L3MBTL4: variants seen among roughly 807,000 people sequenced by gnomAD.
L3MBTL4 encodes lethal(3)malignant brain tumor-like protein 4.
L3MBTL4 carries 70 observed loss-of-function variants against 84.5 expected under a neutral mutation model. The ratio of observed to expected loss-of-function variants is 0.83; its 90% CI spans 0.68 to 1.01. The LOEUF (loss-of-function observed/expected upper bound fraction) is 1.01. Ranked by LOEUF, L3MBTL4 falls within the 50% of genes least tolerant of loss-of-function variation. The pLI is 0.00. For missense variants in L3MBTL4, 715 were observed against 754.8 expected, an observed-to-expected ratio of 0.95 and a Z score of 0.62; for synonymous variants, 274 against 259.8, an observed-to-expected ratio of 1.05 and a Z score of -0.52.
intron 16 of L3MBTL4, among the ~76,000 whole-genome samples, chr18:6,049,269 A>C (rs949727920): frequency 2.0e-5 from 3 of 147,972 alleles, no homozygotes; most frequent in African/African-American, 7.8e-5. Flanking sequence ...TAAACTAAGA[A>C]GTTTCTGCAC....
At chr18:6,035,176 G>T (rs1320107824) in intron 16 of L3MBTL4, among the ~76,000 whole-genome samples, 67 of 150,058 alleles carry the variant, frequency 4.5e-4, no homozygotes, top group Non-Finnish European at 7.5e-4. Flanking sequence ...GTCAATTTTG[G>T]CTTTTGTTGC....
intron 14 of L3MBTL4, among the ~76,000 whole-genome samples, chr18:6,108,386 T>TC (rs1353439741): frequency 6.6e-6 from 1 of 152,160 alleles, no homozygotes; most frequent in Non-Finnish European, 1.5e-5. Context: ...AAAAAAACAG[T>TC]TACAATAGAA....
intron 1 of L3MBTL4, among the ~76,000 whole-genome samples, chr18:6,385,920 A>C (rs1003289029): frequency 6.6e-6 from 1 of 152,220 alleles, no homozygotes; most frequent in Non-Finnish European, 1.5e-5. Context: ...CCAATGCCAT[A>C]GATAAAGGTA....
chr18:5,998,240 C>T (rs892486800), intron 16 of L3MBTL4, among the ~76,000 whole-genome samples: 1 of 152,198 alleles, frequency 6.6e-6, no homozygotes, highest in Non-Finnish European at 1.5e-5. Flanking sequence ...AAAAGAGGCA[C>T]TTCATCTGAA....
At chr18:6,163,586 C>T (rs963959839) in intron 13 of L3MBTL4, among the ~76,000 whole-genome samples, 8 of 152,018 alleles carry the variant, frequency 5.3e-5, no homozygotes, top group African/African-American at 1.5e-4. Context: ...GTTGTCTTTC[C>T]CCCAAATTCT....
At chr18:6,398,783 A>G (rs978657288) in intron 1 of L3MBTL4, among the ~76,000 whole-genome samples, 19 of 151,984 alleles carry the variant, frequency 1.3e-4, no homozygotes, top group African/African-American at 4.1e-4. Flanking sequence ...AGAAGACTCA[A>G]ACTCCCAAAG....
chr18:6,404,481 C>T (rs2055642320), intron 1 of L3MBTL4, among the ~76,000 whole-genome samples: 1 of 152,126 alleles, frequency 6.6e-6, no homozygotes, highest in Non-Finnish European at 1.5e-5. Flanking sequence ...TTCTGTTCTG[C>T]TCAATTTCTT....
chr18:6,378,504 A>C (rs1416965921), intron 1 of L3MBTL4, among the ~76,000 whole-genome samples: 1 of 152,316 alleles, frequency 6.6e-6, no homozygotes, highest in East Asian at 1.9e-4. Context: ...TATAAGGTAT[A>C]AGGAAGGGGT....
chr18:6,230,716 T>C (rs2046964373), intron 10 of L3MBTL4, among the ~76,000 whole-genome samples: 1 of 152,198 alleles, frequency 6.6e-6, no homozygotes, highest in African/African-American at 2.4e-5. Flanking sequence ...CCGCAATGTA[T>C]AAGTGTTCAC....
At chr18:6,389,614 C>T (rs1357563933) in intron 1 of L3MBTL4, among the ~76,000 whole-genome samples, 2 of 152,068 alleles carry the variant, frequency 1.3e-5, no homozygotes, top group South Asian at 2.1e-4. Flanking sequence ...AACAAATATT[C>T]CATGCAAATG....
chr18:6,105,833 A>G (rs993168599), intron 14 of L3MBTL4, among the ~76,000 whole-genome samples: 1 of 151,744 alleles, frequency 6.6e-6, no homozygotes, highest in Admixed American at 6.6e-5. Context: ...AAAGACTCTC[A>G]GTCTAACCTA....
chr18:6,170,234 T>C (rs2043899777), intron 13 of L3MBTL4, among the ~76,000 whole-genome samples: 1 of 152,178 alleles, frequency 6.6e-6, no homozygotes, highest in Non-Finnish European at 1.5e-5. Flanking sequence ...TTTAGATTTA[T>C]CCTAGGCTCA....
chr18:6,145,586 G>GT (rs72394185), intron 13 of L3MBTL4, among the ~76,000 whole-genome samples: 3,757 of 145,028 alleles, frequency 0.026, 201 homozygotes, highest in East Asian at 0.14. Context: ...CATTTAGCAA[G>GT]TTTTTTTTTT....
intron 1 of L3MBTL4, among the ~76,000 whole-genome samples, chr18:6,346,227 G>A (rs80323996): frequency 6.6e-6 from 1 of 150,900 alleles, no homozygotes; most frequent in East Asian, 1.9e-4. Flanking sequence ...ACCTGAAACT[G>A]TAAAACTGGT....
At chr18:6,032,308 A>G in intron 16 of L3MBTL4, 1 of 986,630 alleles carries the variant, frequency 1.0e-6, no homozygotes, top group Non-Finnish European at 1.2e-6. Context: ...AAGAACTAAC[A>G]ACAAGTTACG....
At chr18:6,104,052 C>T (rs1376064589) in intron 14 of L3MBTL4, among the ~76,000 whole-genome samples, 1 of 152,178 alleles carries the variant, frequency 6.6e-6, no homozygotes, top group Non-Finnish European at 1.5e-5. Context: ...AAAGGTGGCC[C>T]AGCTCCTCCT....
intron 12 of L3MBTL4, among the ~76,000 whole-genome samples, chr18:6,172,417 G>A (rs1377884247): frequency 6.6e-6 from 1 of 152,164 alleles, no homozygotes; most frequent in Non-Finnish European, 1.5e-5. Flanking sequence ...CCTCACAAAT[G>A]AGAGACGGGC....
chr18:6,130,506 C>T (rs941601649), intron 14 of L3MBTL4, among the ~76,000 whole-genome samples: 1 of 152,126 alleles, frequency 6.6e-6, no homozygotes, highest in Non-Finnish European at 1.5e-5. Flanking sequence ...TTTGACACTT[C>T]AGTCATGTAT....
chr18:6,071,815 GGAAAGAAA>G (rs201264000), intron 16 of L3MBTL4, among the ~76,000 whole-genome samples: 44 of 116,272 alleles, frequency 3.8e-4, no homozygotes, highest in East Asian at 3.2e-3. Context: ...AAGAAAGAAA[GGAAAGAAA>G]GAAAGAAAGA....
Sources: gnomAD v4.1 joint callset for allele counts (sites outside exome capture counted in the v4.1 genomes callset) on GRCh38, gnomAD v4.1.1 for gene constraint, MANE v1.5 for transcripts, NCBI Gene and HGNC (gene_info 2026-07-23, HGNC 2026-07-21) for gene names.